Variants in NCBP1 observed in about 807,000 individuals in gnomAD.
NCBP1 encodes nuclear cap binding protein subunit 1.
Under a neutral mutation model 111.7 loss-of-function variants are expected in NCBP1, and 16 were observed. The ratio of observed to expected loss-of-function variants is 0.14; its 90% CI spans 0.10 to 0.22. The LOEUF (loss-of-function observed/expected upper bound fraction) is 0.22. Ranked by LOEUF, NCBP1 falls within the 10% of genes least tolerant of loss-of-function variation. The pLI is 1.00. For missense variants in NCBP1, 607 were observed against 957.5 expected, an observed-to-expected ratio of 0.63 and a Z score of 4.83; for synonymous variants, 304 against 314.3, an observed-to-expected ratio of 0.97 and a Z score of 0.35.
intron 1 of NCBP1, among the ~76,000 whole-genome samples, chr9:97,636,733 A>G (rs1827052729): frequency 6.7e-6 from 1 of 149,948 alleles, no homozygotes; most frequent in Non-Finnish European, 1.5e-5. Flanking sequence ...TACTTGCCAT[A>G]CAGCAGTGGA....
At chr9:97,635,199 C>G (rs1826974068) in intron 1 of NCBP1, among the ~76,000 whole-genome samples, 1 of 152,120 alleles carries the variant, frequency 6.6e-6, no homozygotes, top group African/African-American at 2.4e-5. Flanking sequence ...ATATTCTAGT[C>G]CAGCTTTCTA....
intron 20 of NCBP1, 98 bp from the exon 21 acceptor site, chr9:97,668,746 CTT>C (rs1419861149): frequency 9.0e-6 from 12 of 1,336,564 alleles, no homozygotes; most frequent in Middle Eastern, 1.9e-4. Context: ...GAATATAAGT[CTT>C]AACATTTGGC....
chr9:97,637,591 AT>A (rs1200254836), intron 1 of NCBP1, among the ~76,000 whole-genome samples: 1 of 151,910 alleles, frequency 6.6e-6, no homozygotes, highest in African/African-American at 2.4e-5. Flanking sequence ...AGGATTTGTT[AT>A]TTTGAGAGAG....
chr9:97,664,077 G>A (rs1214058460), intron 18 of NCBP1, among the ~76,000 whole-genome samples: 1 of 151,960 alleles, frequency 6.6e-6, no homozygotes, highest in Non-Finnish European at 1.5e-5. Flanking sequence ...TGCTCAGGAG[G>A]TTGAGGCAGG....
intron 6 of NCBP1, 137 bp downstream of exon 6, chr9:97,645,869 T>C: frequency 9.2e-7 from 1 of 1,086,258 alleles, no homozygotes. Flanking sequence ...TCCTGCTGTT[T>C]TAACTCACTG....
chr9:97,638,119 C>T (rs1050887300), intron 1 of NCBP1, among the ~76,000 whole-genome samples: 3 of 152,098 alleles, frequency 2.0e-5, no homozygotes, highest in Non-Finnish European at 4.4e-5. Context: ...ATTTCATTTC[C>T]CTGTTCCCTT....
In NCBP1 at chr9:97,672,964, T is replaced by C. The variant is rs1168177442; in HGVS notation, c.*1765T>C. On this transcript the variant is annotated 3_prime_UTR_variant, in exon 23 of 23. Transcript: ENST00000375147. ...TAACACAGTGAAACCCTGTCTCTAC[T>C]AAAAACACAAAAACTTAGCCAGGCG... 2.0e-5 allele frequency: 3 copies of C among 152,224 alleles called. No homozygotes were observed. Among genetic ancestry groups the C allele is most frequent in the Non-Finnish European group, 2.9e-5 (2 of 68,198 alleles). The allele number at this position is 152,224 out of a possible 1,614,324, so 9.4% of individuals were successfully genotyped here.
chr9:97,671,313 A>T lies in NCBP1; in HGVS notation c.*114A>T. Reference sequence around the variant, plus strand: ...TAGTATCCTTTCACTTCTTAAAGGAAACAAAGGGGAAGAGGACAGTGAATG... The same window carrying T: ...TAGTATCCTTTCACTTCTTAAAGGATACAAAGGGGAAGAGGACAGTGAATG... On this transcript the variant is annotated 3_prime_UTR_variant, in exon 23 of 23. Transcript: ENST00000375147. 2 of 742,186 alleles carry T rather than the reference A, an allele frequency of 2.7e-6. No homozygotes were observed. Among genetic ancestry groups the T allele is most frequent in the Non-Finnish European group, 4.4e-6 (2 of 457,510 alleles). 46.0% of individuals were successfully genotyped at this position (742,186 alleles called of 1,614,324 possible). A position where few individuals can be genotyped will look rare whatever the true frequency, so the allele number is the denominator to read the frequency against.
intron 5 of NCBP1, 135 bp downstream of exon 5, chr9:97,645,359 A>C: frequency 1.3e-6 from 1 of 773,510 alleles, no homozygotes; most frequent in Non-Finnish European, 2.1e-6. Context: ...AGACTATCAC[A>C]CTTTAAGTTC....
Position 97,650,539 on chromosome 9 carries a change from T to C in NCBP1, c.934T>C (p.Phe312Leu), listed in dbSNP as rs746724831. 3.7e-6 allele frequency: 6 copies of C among 1,613,556 alleles called. No individual in the cohort carries two copies. In the East Asian group the frequency reaches 1.3e-4, roughly 36 times the overall value. Residue 312 changes from phenylalanine (F) to leucine (L), a missense_variant, in exon 9 of 23, where the codon TTT (phenylalanine) becomes CTT (leucine). Phe to Leu is a conservative substitution (Grantham distance 22). Around this residue, in one of 9 missense-constraint regions of NCBP1, gnomAD observed 53 missense variants for 144.8 expected, o/e 0.37. Coordinates refer to ENST00000375147, the MANE Select transcript of NCBP1 (RefSeq NM_002486.5). ...GCCAGGGAGTCATTCAGTGGAAAGA[T>C]TTGTAATAGAAGAGAATCTTCACTG... ...VMPGSHSVER[F>L]VIEENLHCII... is the part of the protein sequence containing the mutation.
At position 97,669,063 on chromosome 9, in the gene NCBP1, G is replaced by A. The variant is rs1477698490; in HGVS notation, c.2145+89G>A. The A allele has an allele frequency of 5.9e-6, 8 of 1,359,936 alleles. No homozygotes were observed. The Admixed American group carries it at 9.3e-5, about 16-fold the overall frequency. The allele number at this position is 1,359,936 out of a possible 1,614,324, so 84.2% of individuals were successfully genotyped here. ...AAAAATGTTATTTTTCATTGTAAAA[G>A]GAATACACATTCATTTATAGAAGAG... is the stretch of plus-strand genomic sequence containing the variant. On this transcript the variant is annotated intron_variant, in intron 21 of 22. Transcript: ENST00000375147.
chr9:97,645,322 AT>A lies in NCBP1; in HGVS notation c.489+100del. The stretch of plus-strand genomic sequence containing the variant: ...ACCAGGAATTTTTCGCTGATAACCC[AT>A]TAGCAATAAAGAAAAAAATAACAGC... On this transcript the variant is annotated intron_variant, in intron 5 of 22. Coordinates refer to ENST00000375147, the MANE Select transcript of NCBP1 (RefSeq NM_002486.5). 3.1e-6 allele frequency: 3 copies of A among 960,914 alleles called. No individual in the cohort carries two copies. The South Asian group carries it at 4.4e-5, about 14-fold the overall frequency. The allele number at this position is 960,914 out of a possible 1,614,324, so 59.5% of individuals were successfully genotyped here.
At chr9:97,668,444 T>A (rs1284628609) in intron 20 of NCBP1, among the ~76,000 whole-genome samples, 1 of 152,236 alleles carries the variant, frequency 6.6e-6, no homozygotes, top group African/African-American at 2.4e-5. Flanking sequence ...TTCTAAATTA[T>A]AACAAGAATG....
chr9:97,670,994 C>T (rs10283569), intron 22 of NCBP1, 92 bp from the exon 23 acceptor site: 149 of 742,738 alleles, frequency 2.0e-4, no homozygotes, highest in Non-Finnish European at 2.9e-4. Context: ...TTTCATCATT[C>T]TGCAGCATGG....
intron 1 of NCBP1, among the ~76,000 whole-genome samples, chr9:97,635,123 C>G (rs1257349106): frequency 6.6e-6 from 1 of 152,146 alleles, no homozygotes; most frequent in Non-Finnish European, 1.5e-5. Context: ...GAGGTGGAGG[C>G]AGAATCGCAT....
At chr9:97,637,837 A>G (rs1564016572) in intron 1 of NCBP1, among the ~76,000 whole-genome samples, 1 of 152,298 alleles carries the variant, frequency 6.6e-6, no homozygotes, top group Non-Finnish European at 1.5e-5. Flanking sequence ...AGGCTATAAG[A>G]TGTACAGTGT....
chr9:97,640,935 G>A, intron 2 of NCBP1, 53 bp downstream of exon 2: 1 of 1,334,254 alleles, frequency 7.5e-7, no homozygotes, highest in Admixed American at 2.4e-5. Context: ...GTGGTTAACT[G>A]TGCTTTGATT....
At chr9:97,634,365 C>G (rs1043361632) in intron 1 of NCBP1, 10 of 164,476 alleles carry the variant, frequency 6.1e-5, no homozygotes, top group Non-Finnish European at 9.2e-5. Context: ...AGTCTGAACT[C>G]TGTTCCGGTA....
intron 4 of NCBP1, among the ~76,000 whole-genome samples, chr9:97,643,779 C>T (rs1225009877): frequency 1.3e-5 from 2 of 152,150 alleles, no homozygotes; most frequent in Non-Finnish European, 1.5e-5. Context: ...CCTAATTTCT[C>T]TCAAGTCTGT....
Sources: allele counts gnomAD v4.1 joint callset (sites outside exome capture counted in the v4.1 genomes callset), GRCh38; gene constraint gnomAD v4.1.1; regional missense constraint gnomAD v4.1.1; transcripts MANE v1.5; gene names NCBI Gene and HGNC (gene_info 2026-07-23, HGNC 2026-07-21).